Variants in GNAL observed in about 807,000 individuals in gnomAD.
GNAL encodes the protein guanine nucleotide-binding protein G(olf) subunit alpha.
Under a neutral mutation model 55.1 loss-of-function variants are expected in GNAL, and 18 were observed. That is an observed-to-expected ratio of 0.33 (90% CI 0.23 to 0.48). GNAL has a LOEUF of 0.48. GNAL is among the 20% of genes least tolerant of loss of function. GNAL has a pLI of 0.99. For synonymous variants in GNAL, 253 were observed against 237.0 expected, an observed-to-expected ratio of 1.07 and a Z score of -0.62; for missense variants, 412 against 614.1, an observed-to-expected ratio of 0.67 and a Z score of 3.48.
At chr18:11,757,541 G>A (rs1202211924) in intron 4 of GNAL, among the ~76,000 whole-genome samples, 2 of 152,198 alleles carry the variant, frequency 1.3e-5, no homozygotes, top group East Asian at 1.9e-4. Flanking sequence ...CCTGAGTTGG[G>A]ATTTATTTTG....
chr18:11,714,684 G>A (rs139145136), intron 1 of GNAL, among the ~76,000 whole-genome samples: 36 of 152,284 alleles, frequency 2.4e-4, no homozygotes, highest in African/African-American at 8.4e-4. Context: ...ATTTCCTTGT[G>A]AGCAGTTAGT....
chr18:11,706,245 A>G (rs1171820177), intron 1 of GNAL, among the ~76,000 whole-genome samples: 2 of 151,798 alleles, frequency 1.3e-5, no homozygotes, highest in Non-Finnish European at 2.9e-5. Flanking sequence ...AGAAAGTCAC[A>G]TGAATTTTTT....
chr18:11,749,842 G>A (rs1318826348), intron 1 of GNAL, among the ~76,000 whole-genome samples: 1 of 152,158 alleles, frequency 6.6e-6, no homozygotes, highest in African/African-American at 2.4e-5. Context: ...ACATGCACCC[G>A]ACCAGCCTGT....
At chr18:11,871,624 G>A (rs1236309538) in intron 9 of GNAL, among the ~76,000 whole-genome samples, 1 of 152,144 alleles carries the variant, frequency 6.6e-6, no homozygotes, top group Non-Finnish European at 1.5e-5. Flanking sequence ...TGATGGAGGC[G>A]GAAGAAGAAC....
chr18:11,835,969 A>T (rs746020611), intron 5 of GNAL, among the ~76,000 whole-genome samples: 5 of 151,902 alleles, frequency 3.3e-5, no homozygotes, highest in Non-Finnish European at 7.4e-5. Context: ...ACATGTTGAG[A>T]CCTCGTCTCT....
At chr18:11,728,196 A>G (rs1376419706) in intron 1 of GNAL, among the ~76,000 whole-genome samples, 1 of 152,080 alleles carries the variant, frequency 6.6e-6, no homozygotes, top group Admixed American at 6.6e-5. Context: ...CCTGGGTAAC[A>G]GAGTAAGACC....
At chr18:11,762,326 C>T (rs1213694400) in intron 4 of GNAL, among the ~76,000 whole-genome samples, 3 of 152,102 alleles carry the variant, frequency 2.0e-5, no homozygotes, top group African/African-American at 2.4e-5. Context: ...GGAGGGGAAG[C>T]GGGTGACATG....
intron 4 of GNAL, among the ~76,000 whole-genome samples, chr18:11,780,326 C>T (rs557885348): frequency 2.0e-5 from 3 of 151,868 alleles, no homozygotes; most frequent in African/African-American, 7.2e-5. Flanking sequence ...ACACGTAAGA[C>T]CTTTTTCGGA....
chr18:11,779,187 C>T (rs551495264), intron 4 of GNAL, among the ~76,000 whole-genome samples: 3 of 152,178 alleles, frequency 2.0e-5, no homozygotes, highest in Admixed American at 6.5e-5. Context: ...CGTGCTACTG[C>T]GAAATGGAAA....
At position 11,752,737 on chromosome 18, in the gene GNAL, C is replaced by A; in HGVS notation, c.377-116C>A. Reference sequence around the variant, plus strand: ...CGGGGCGAGCTCCTCCAGCCAGGAACCCGCGTGTAGGAAATCCCCGTGCTG... The same window carrying A: ...CGGGGCGAGCTCCTCCAGCCAGGAAACCGCGTGTAGGAAATCCCCGTGCTG... On this transcript the variant is annotated intron_variant, in intron 1 of 11. Transcript: ENST00000334049. This position sits in a 1 kb window ranked among gnomAD's most constrained non-coding sequence, Gnocchi z 4.5. 8.6e-7 allele frequency: 1 copy of A among 1,160,036 alleles called. No homozygotes were observed. Among genetic ancestry groups the A allele is most frequent in the Non-Finnish European group, 1.3e-6 (1 of 798,158 alleles). 71.9% of individuals were successfully genotyped at this position (1,160,036 alleles called of 1,614,324 possible).
chr18:11,745,315 A>C (rs1028242882), intron 1 of GNAL, among the ~76,000 whole-genome samples: 1 of 152,078 alleles, frequency 6.6e-6, no homozygotes, highest in Non-Finnish European at 1.5e-5. Flanking sequence ...TGGGAAACAA[A>C]TTTCCTTCTT....
intron 4 of GNAL, among the ~76,000 whole-genome samples, chr18:11,803,298 T>C (rs1343951753): frequency 6.6e-6 from 1 of 152,236 alleles, no homozygotes; most frequent in African/African-American, 2.4e-5. Context: ...TTTTGACTTA[T>C]GTAAGTGGAA....
intron 4 of GNAL, among the ~76,000 whole-genome samples, chr18:11,823,031 T>C (rs1295142684): frequency 6.6e-6 from 1 of 152,148 alleles, no homozygotes; most frequent in African/African-American, 2.4e-5. Flanking sequence ...GTCTGTCGTG[T>C]CCAGAGAAAT....
chr18:11,841,560 G>A (rs748699335), intron 5 of GNAL, among the ~76,000 whole-genome samples: 1 of 150,946 alleles, frequency 6.6e-6, no homozygotes, highest in East Asian at 2.0e-4. Flanking sequence ...CAGGAGAATC[G>A]CTTGAACCTG....
intron 5 of GNAL, among the ~76,000 whole-genome samples, chr18:11,855,668 CTT>C (rs1281260487): frequency 2.0e-5 from 3 of 152,068 alleles, no homozygotes; most frequent in Non-Finnish European, 2.9e-5. Context: ...GCCCTGCTGT[CTT>C]TGATTTGGAA....
chr18:11,696,135 G>A (rs112900667), intron 1 of GNAL, among the ~76,000 whole-genome samples: 2,745 of 152,254 alleles, frequency 0.018, 30 homozygotes, highest in Non-Finnish European at 0.028. Context: ...AGCCTCCTGT[G>A]GCACCGTGGC....
intron 4 of GNAL, among the ~76,000 whole-genome samples, chr18:11,809,365 G>T (rs1335790155): frequency 6.6e-6 from 1 of 152,158 alleles, no homozygotes; most frequent in Non-Finnish European, 1.5e-5. Flanking sequence ...TTCCAAAATT[G>T]ATGGTGGTGA....
At chr18:11,799,073 A>G (rs933308463) in intron 4 of GNAL, among the ~76,000 whole-genome samples, 43 of 151,964 alleles carry the variant, frequency 2.8e-4, no homozygotes, top group Non-Finnish European at 5.7e-4. Context: ...AGATCAAGCC[A>G]CTGCACTCCA....
At position 11,729,937 on chromosome 18, in the gene GNAL, A is replaced by G. The variant is rs368298158; in HGVS notation, c.377-22916A>G. On this transcript the variant is annotated intron_variant, in intron 1 of 11. Coordinates refer to ENST00000334049, the MANE Select transcript of GNAL (RefSeq NM_182978.4). ...TACATTAATTTGGCCCAAAAAGGCG[A>G]GACATCTGGAAGCAGAGGCTTACAA... Among the ~76,000 whole-genome samples the G allele has an allele frequency of 6.6e-5, 10 of 152,210 alleles. No homozygotes were observed. The East Asian group carries it at 1.3e-3, about 21-fold the overall frequency.
Sources: allele counts gnomAD v4.1 joint callset (sites outside exome capture counted in the v4.1 genomes callset), GRCh38; gene constraint gnomAD v4.1.1; non-coding constraint Gnocchi (gnomAD v3.1); transcripts MANE v1.5; gene names NCBI Gene and HGNC (gene_info 2026-07-23, HGNC 2026-07-21).